IRAG2: variants seen among roughly 807,000 people sequenced by gnomAD.
IRAG2 encodes the protein lymphoid restricted membrane protein.
IRAG2 carries 45 observed loss-of-function variants against 69.9 expected under a neutral mutation model. The observed-to-expected ratio is 0.64, with a 90% CI of 0.51 to 0.83. The LOEUF is 0.83. IRAG2 is among the 40% of genes least tolerant of loss of function. The probability of loss-of-function intolerance (pLI) is 0.00; values close to 1 mark genes in which losing one functional copy is unlikely to be tolerated. For synonymous variants in IRAG2, 193 were observed against 202.4 expected (o/e 0.95, Z 0.40); for missense variants, 520 against 587.0 (o/e 0.89, Z 1.18).
At chr12:25,033,749 C>T (rs1190025758) in intron 12 of IRAG2, 3 of 394,656 alleles carry the variant, frequency 7.6e-6, no homozygotes, top group African/African-American at 6.2e-5. Context: ...TGGCACATGG[C>T]ACTGATTGTT....
At chr12:25,012,104 T>C (rs531818618) in intron 3 of IRAG2, among the ~76,000 whole-genome samples, 10 of 150,142 alleles carry the variant, frequency 6.7e-5, no homozygotes, top group Admixed American at 3.3e-4. Context: ...CCTTGGCAGA[T>C]GCTGGAGATG....
At chr12:25,035,923 C>T (rs1944699039) in intron 14 of IRAG2, 2 of 396,312 alleles carry the variant, frequency 5.0e-6, no homozygotes, top group East Asian at 3.6e-5. Flanking sequence ...CTCTGAAAAG[C>T]GAAGGTTTTT....
chr12:25,000,511 G>A (rs1471582060), upstream of IRAG2, among the ~76,000 whole-genome samples: 1 of 152,136 alleles, frequency 6.6e-6, no homozygotes, highest in Non-Finnish European at 1.5e-5. Flanking sequence ...CAGCTACTTG[G>A]GAGGCTGAGG....
At chr12:25,072,083 T>C (rs1222022937) in intron 6 of IRAG2, among the ~76,000 whole-genome samples, 1 of 151,880 alleles carries the variant, frequency 6.6e-6, no homozygotes, top group Non-Finnish European at 1.5e-5. Flanking sequence ...CAGGCGCCTG[T>C]AAAACCAGCT....
intron 1 of IRAG2, among the ~76,000 whole-genome samples, chr12:25,057,446 G>A (rs1354975394): frequency 1.3e-5 from 2 of 150,844 alleles, no homozygotes; most frequent in Non-Finnish European, 3.0e-5. Flanking sequence ...TTTTGTAGAG[G>A]TAGGATCTTG....
chr12:24,999,101 ATGT>A, the IRAG2 span, among the ~76,000 whole-genome samples: 3 of 152,200 alleles, frequency 2.0e-5, no homozygotes, highest in African/African-American at 4.8e-5. Flanking sequence ...AAATTATGTC[ATGT>A]TGTTTACATA....
intron 1 of IRAG2, among the ~76,000 whole-genome samples, chr12:25,055,929 C>T (rs1055497800): frequency 9.2e-5 from 14 of 152,146 alleles, no homozygotes; most frequent in African/African-American, 1.7e-4. Flanking sequence ...TCCCATCTGA[C>T]GTGAAATCTT....
chr12:25,044,084 TA>T (rs1944772174), intron 16 of IRAG2, among the ~76,000 whole-genome samples: 1 of 152,096 alleles, frequency 6.6e-6, no homozygotes, highest in Non-Finnish European at 1.5e-5. Context: ...AAAATAACTA[TA>T]AAAATGTTTA....
intron 5 of IRAG2, chr12:25,017,006 T>C (rs956409128): frequency 6.1e-5 from 32 of 525,198 alleles, no homozygotes; most frequent in Non-Finnish European, 8.1e-5. Context: ...TGATGACAGA[T>C]GAGGGTAAAG....
chr12:25,010,278 A>C (rs1944464276), intron 2 of IRAG2, among the ~76,000 whole-genome samples: 1 of 152,196 alleles, frequency 6.6e-6, no homozygotes, highest in Admixed American at 6.5e-5. Flanking sequence ...GAAGTTCAAG[A>C]CCAGCCTGGG....
intron 2 of IRAG2, 118 bp downstream of exon 2, chr12:25,061,771 T>A: frequency 2.5e-6 from 1 of 395,596 alleles, no homozygotes; most frequent in Non-Finnish European, 4.5e-6. Context: ...ATAACCAGTT[T>A]AGAAGAAAAT....
At chr12:25,085,258 G>A (rs1947494414) in intron 10 of IRAG2, among the ~76,000 whole-genome samples, 1 of 152,260 alleles carries the variant, frequency 6.6e-6, no homozygotes, top group Non-Finnish European at 1.5e-5. Context: ...GAGCTGGAAG[G>A]ATGAGTGCAA....
rs149767643 is a variant in IRAG2 at position 25,087,545 on chromosome 12, C to T, written c.316-555C>T. Among the ~76,000 whole-genome samples the T allele has an allele frequency of 1.7e-3, 266 of 152,208 alleles. 1 individual carries two copies. Among genetic ancestry groups the T allele is most frequent in the African/African-American group, 6.0e-3 (251 of 41,530 alleles). On this transcript the variant is annotated intron_variant, in intron 10 of 21. Transcript: ENST00000556887. ...AATCCTAGTTTGCATTGTTGTAATT[C>T]ACATCATGTTTGCATCTTTTCATGT...
exon 1 of IRAG2, chr12:25,004,875 T>A: frequency 1.6e-6 from 2 of 1,231,956 alleles, no homozygotes; most frequent in Non-Finnish European, 2.0e-6. Context: ...GTTTTGATCC[T>A]CAGGATTCAG....
chr12:25,029,419 C>A (rs1396427299), intron 9 of IRAG2, among the ~76,000 whole-genome samples: 1 of 152,150 alleles, frequency 6.6e-6, no homozygotes, highest in African/African-American at 2.4e-5. Flanking sequence ...GATGTTTGTA[C>A]CTATCCCACA....
At chr12:25,001,046 C>T (rs1944388197), upstream of IRAG2, among the ~76,000 whole-genome samples, 1 of 152,136 alleles carries the variant, frequency 6.6e-6, no homozygotes, top group South Asian at 2.1e-4. Flanking sequence ...TTTATCACCC[C>T]ATCTTATTTA....
upstream of IRAG2, among the ~76,000 whole-genome samples, chr12:25,001,884 C>T (rs1334536671): frequency 6.6e-6 from 1 of 151,930 alleles, no homozygotes; most frequent in Non-Finnish European, 1.5e-5. Context: ...ATTCTCCTGC[C>T]TCAGCCTCCT....
At chr12:25,053,889 A>G (rs930901601) in intron 1 of IRAG2, among the ~76,000 whole-genome samples, 1 of 151,820 alleles carries the variant, frequency 6.6e-6, no homozygotes, top group African/African-American at 2.4e-5. Context: ...CCTTTCTACT[A>G]TTATCTGAGA....
chr12:25,066,042 G>A (rs1436767862), intron 4 of IRAG2, among the ~76,000 whole-genome samples: 1 of 152,112 alleles, frequency 6.6e-6, no homozygotes, highest in Non-Finnish European at 1.5e-5. Flanking sequence ...AACCTCTCTA[G>A]TTGCTTAGTG....
Sources: allele counts gnomAD v4.1 joint callset (sites outside exome capture counted in the v4.1 genomes callset), GRCh38; gene constraint gnomAD v4.1.1; transcripts MANE v1.5; gene names NCBI Gene and HGNC (gene_info 2026-07-23, HGNC 2026-07-21).